The following HSPA4L variants were observed in gnomAD, a reference collection of about 807,000 sequenced individuals.
HSPA4L encodes heat shock 70 kDa protein 4L.
Under a neutral mutation model 100.3 loss-of-function variants are expected in HSPA4L, and 48 were observed. The ratio of observed to expected loss-of-function variants is 0.48; its 90% CI spans 0.38 to 0.61. The LOEUF (loss-of-function observed/expected upper bound fraction) is 0.61, where lower values mean the gene tolerates loss of function less well. Ranked by LOEUF, HSPA4L falls within the 20% of genes least tolerant of loss-of-function variation. The pLI is 0.00. For synonymous variants in HSPA4L, 319 were observed against 328.2 expected (o/e 0.97, Z 0.30); for missense variants, 886 against 988.6 (o/e 0.90, Z 1.39).
At chr4:127,828,238 T>A (rs77756773) in intron 17 of HSPA4L, among the ~76,000 whole-genome samples, 2,774 of 152,220 alleles carry the variant, frequency 0.018, 34 homozygotes, top group Middle Eastern at 0.031. Context: ...ATCCCTACTC[T>A]AAGTAAATAT....
chr4:127,808,573 C>A (rs1364230718), intron 11 of HSPA4L, among the ~76,000 whole-genome samples: 1 of 151,988 alleles, frequency 6.6e-6, no homozygotes, highest in African/African-American at 2.4e-5. Flanking sequence ...AGGGACTTGA[C>A]TACCAGAGGA....
chr4:127,783,143 G>A (rs1214566446), intron 1 of HSPA4L, among the ~76,000 whole-genome samples: 1 of 151,250 alleles, frequency 6.6e-6, no homozygotes, highest in Non-Finnish European at 1.5e-5. Context: ...GGCTGCACAC[G>A]TCAGAGATGA....
At position 127,813,809 on chromosome 4, in the gene HSPA4L, A is replaced by T. The variant is rs150669494; in HGVS notation, c.1578+2173A>T. 6.4e-3 allele frequency among the ~76,000 whole-genome samples: 973 copies of T among 151,840 alleles called. 11 individuals are homozygous for T. Among genetic ancestry groups the T allele is most frequent in the African/African-American group, 0.023 (934 of 41,410 alleles). On this transcript the variant is annotated intron_variant, in intron 12 of 18. Transcript: ENST00000296464. The stretch of plus-strand genomic sequence containing the variant: ...AGGCATGTGCCACCACGCCCAGCTA[A>T]TTTTTTTTGTATTTTTAGTGGAGAC...
intron 5 of HSPA4L, 128 bp downstream of exon 5, chr4:127,801,365 G>C (rs1293745074): frequency 1.5e-6 from 1 of 651,424 alleles, no homozygotes. Context: ...GGAGTTGAAA[G>C]CTGCAGTGAG....
In HSPA4L at chr4:127,788,918, C is replaced by T. The variant is rs541999214; in HGVS notation, c.108-5159C>T. On this transcript the variant is annotated intron_variant, in intron 1 of 18. Coordinates refer to ENST00000296464, the MANE Select transcript of HSPA4L (RefSeq NM_014278.4). ...GCCTTTGATTTAAACCTATGGATTACAATGATAGCAGAGGGTAAAGAGTAA... is the reference window on the plus strand; with the variant it reads ...GCCTTTGATTTAAACCTATGGATTATAATGATAGCAGAGGGTAAAGAGTAA... 9.9e-5 allele frequency among the ~76,000 whole-genome samples: 15 copies of T among 152,168 alleles called. No individual in the cohort carries two copies. In the East Asian group the frequency reaches 2.9e-3, roughly 29 times the overall value.
rs143344063 is a variant in HSPA4L at position 127,839,816 on chromosome 4, A to G, written c.*6942A>G. 3 of 152,344 alleles carry G rather than the reference A, an allele frequency of 2.0e-5. No individual in the cohort carries two copies. The highest frequency in any genetic ancestry group is 7.2e-5 in the African/African-American group (3 of 41,574). The allele number at this position is 152,344 out of a possible 1,614,324, so 9.4% of individuals were successfully genotyped here. On this transcript the variant is annotated 3_prime_UTR_variant, in exon 19 of 19. Coordinates refer to ENST00000296464, the MANE Select transcript of HSPA4L (RefSeq NM_014278.4). ...GTCTTGGAAAAAGACTCACATGAAA[A>G]GTGGCTTTTATATTTGGTAGGATAA...
chr4:127,828,602 G>A (rs575748069), intron 17 of HSPA4L, among the ~76,000 whole-genome samples: 38 of 152,124 alleles, frequency 2.5e-4, no homozygotes, highest in Middle Eastern at 3.4e-3. Flanking sequence ...ACTTATTTTA[G>A]AAATAAGAGA....
rs140183299 is a variant in HSPA4L at position 127,810,407 on chromosome 4, G to A, written c.1379-1030G>A. Among the ~76,000 whole-genome samples the A allele has an allele frequency of 1.8e-4, 27 of 152,234 alleles. 1 individual carries two copies. The highest frequency in any genetic ancestry group is 6.0e-4 in the African/African-American group (25 of 41,546). ...GTACCACAAGCTAGGTGGCTTAAAC[G>A]TTAGAAATTTGTTGTCTCATTTCTG... On this transcript the variant is annotated intron_variant, in intron 11 of 18. Coordinates refer to ENST00000296464, the MANE Select transcript of HSPA4L (RefSeq NM_014278.4).
At chr4:127,790,657 G>A (rs1171749893) in intron 1 of HSPA4L, among the ~76,000 whole-genome samples, 1 of 152,152 alleles carries the variant, frequency 6.6e-6, no homozygotes, top group Admixed American at 6.5e-5. Context: ...CAAGCCTAAT[G>A]TGTTCACAAT....
Position 127,801,777 on chromosome 4 carries a change from T to C in HSPA4L, c.530-8T>C. On this transcript the variant is annotated splice_region_variant and splice_polypyrimidine_tract_variant and intron_variant, in intron 5 of 18. Transcript: ENST00000296464. ...CTAGAATTAACATAATTCTTTGTTC[T>C]TATACAGTTGCACTGGCGTATGGAA... is the stretch of plus-strand genomic sequence containing the variant. 1 of 1,593,564 alleles carries C rather than the reference T, an allele frequency of 6.3e-7. No individual in the cohort carries two copies. Among genetic ancestry groups the C allele is most frequent in the Non-Finnish European group, 8.5e-7 (1 of 1,172,370 alleles).
chr4:127,830,945 A>G (rs1270953523), intron 18 of HSPA4L, 146 bp downstream of exon 18: 3 of 535,468 alleles, frequency 5.6e-6, no homozygotes, highest in Non-Finnish European at 9.3e-6. Context: ...AAATTTTAAG[A>G]TTTTAGGTAT....
At chr4:127,797,772 T>G (rs1560654563) in intron 3 of HSPA4L, among the ~76,000 whole-genome samples, 2 of 151,874 alleles carry the variant, frequency 1.3e-5, no homozygotes, top group African/African-American at 4.8e-5. Flanking sequence ...CAGCTAAGTT[T>G]TTGTATTTTT....
At chr4:127,813,876 C>CGT (rs548626748) in intron 12 of HSPA4L, among the ~76,000 whole-genome samples, 101 of 152,276 alleles carry the variant, frequency 6.6e-4, no homozygotes, top group African/African-American at 2.3e-3. Flanking sequence ...GATCTCCTGA[C>CGT]CTCCTGATCC....
intron 4 of HSPA4L, among the ~76,000 whole-genome samples, chr4:127,799,975 A>C (rs892275918): frequency 1.3e-5 from 2 of 152,210 alleles, no homozygotes; most frequent in Non-Finnish European, 2.9e-5. Context: ...TAAAACAATA[A>C]AATTAAAGGA....
chr4:127,814,639 C>T (rs921586325), intron 12 of HSPA4L, among the ~76,000 whole-genome samples: 3 of 152,090 alleles, frequency 2.0e-5, no homozygotes, highest in Non-Finnish European at 2.9e-5. Flanking sequence ...ACAATCTCGG[C>T]TCGTTGCAAC....
chr4:127,791,115 T>C (rs1485021640), intron 1 of HSPA4L, among the ~76,000 whole-genome samples: 1 of 152,000 alleles, frequency 6.6e-6, no homozygotes, highest in African/African-American at 2.4e-5. Flanking sequence ...AAAAAAAAGT[T>C]CCAATAATTA....
At chr4:127,812,236 C>T (rs1020170600) in intron 12 of HSPA4L, among the ~76,000 whole-genome samples, 1 of 151,660 alleles carries the variant, frequency 6.6e-6, no homozygotes, top group Non-Finnish European at 1.5e-5. Context: ...AATGAAACCC[C>T]GTCTCCACTA....
Position 127,798,602 on chromosome 4 carries a change from G to A in HSPA4L, c.322G>A (p.Glu108Lys). The change falls in exon 4 of 19, where the codon GAA (glutamate) becomes AAA (lysine). Residue 108 changes from glutamate to lysine, a missense_variant. Transcript: ENST00000296464. ...TTGGTGTTAGGTGCGGTACTTAGAG[G>A]AAGAGAGACCTTTTGCAATTGAGCA... is the stretch of plus-strand genomic sequence containing the variant. Reference protein sequence around the residue: ...SAGVKVRYLEEERPFAIEQVT... With the variant: ...SAGVKVRYLEKERPFAIEQVT... The A allele has an allele frequency of 6.2e-7, 1 of 1,613,620 alleles. No individual in the cohort carries two copies. The highest frequency in any genetic ancestry group is 8.5e-7 in the Non-Finnish European group (1 of 1,179,726).
chr4:127,822,658 ATTT>A (rs1733842184), intron 14 of HSPA4L, 108 bp from the exon 15 acceptor site: 1 of 1,022,288 alleles, frequency 9.8e-7, no homozygotes, highest in South Asian at 1.8e-5. Context: ...ATGAATACTT[ATTT>A]TTTGTATTGT....
Sources: allele counts gnomAD v4.1 joint callset (sites outside exome capture counted in the v4.1 genomes callset), GRCh38; gene constraint gnomAD v4.1.1; transcripts MANE v1.5; gene names NCBI Gene and HGNC (gene_info 2026-07-23, HGNC 2026-07-21).